Variants in RWDD2B observed in about 807,000 individuals in gnomAD.
The protein encoded by RWDD2B is RWD domain containing 2B.
A neutral mutation model predicts 33.6 loss-of-function variants in RWDD2B; 36 were observed. The ratio of observed to expected loss-of-function variants is 1.07; its 90% CI spans 0.82 to 1.42. The LOEUF (loss-of-function observed/expected upper bound fraction) is 1.42. Ranked by LOEUF, RWDD2B falls within the 40% of genes most tolerant of loss-of-function variation. The pLI is 0.00. For synonymous variants in RWDD2B, 126 were observed against 133.1 expected, an observed-to-expected ratio of 0.95 and a Z score of 0.37; for missense variants, 364 against 377.5, an observed-to-expected ratio of 0.96 and a Z score of 0.30.
At chr21:29,017,520 G>A (rs936193213) in intron 1 of RWDD2B, among the ~76,000 whole-genome samples, 3 of 152,072 alleles carry the variant, frequency 2.0e-5, no homozygotes, top group Non-Finnish European at 4.4e-5. Flanking sequence ...GCTGAGGCAG[G>A]AGAATCGCTT....
rs1416734709 is a variant in RWDD2B, at chr21:29,006,628, C to A, written c.749G>T (p.Arg250Ile). 3.1e-6 allele frequency: 5 copies of A among 1,605,640 alleles called. No individual in the cohort carries two copies. The highest frequency in any genetic ancestry group is 3.4e-5 in the Admixed American group (2 of 58,628). The change falls in exon 5 of 5, where the codon AGA (arginine) becomes ATA (isoleucine). Residue 250 changes from arginine to isoleucine, a missense_variant. Transcript: ENST00000493196. ...WSRLRKLNWK[R>I]ILIRHREDIP... Reference sequence around the variant, plus strand: ...GTCTTCTCGATGGCGAATTAAAATTCTCTTCCAGTTTAATTTTCTGAGTCT... The same window carrying A: ...GTCTTCTCGATGGCGAATTAAAATTATCTTCCAGTTTAATTTTCTGAGTCT...
intron 1 of RWDD2B, among the ~76,000 whole-genome samples, chr21:29,017,229 G>T (rs2084894867): frequency 6.6e-6 from 1 of 152,004 alleles, no homozygotes; most frequent in African/African-American, 2.4e-5. Flanking sequence ...AAGCACTTAC[G>T]TTCAAGCACT....
chr21:29,017,669 A>G (rs1329288078), intron 1 of RWDD2B, among the ~76,000 whole-genome samples: 3 of 152,174 alleles, frequency 2.0e-5, no homozygotes, highest in Admixed American at 2.0e-4. Context: ...GAAACCTGAA[A>G]AAGAAAACAA....
chr21:29,007,930 T>C lies in RWDD2B; in HGVS notation c.556A>G (p.Ile186Val), dbSNP rs1315726016. Residue 186 changes from isoleucine to valine, a missense_variant, in exon 4 of 5, where the codon ATC becomes GTC. Physicochemically the swap from Ile to Val is conservative, Grantham distance 29. Coordinates refer to ENST00000493196, the MANE Select transcript of RWDD2B (RefSeq NM_016940.3). The stretch of plus-strand genomic sequence containing the variant: ...CTGTAGATCCAGAGTCTCGTGAAGA[T>C]GAGGTCAACTGACTGGACTGTGCTT... Reference protein sequence around the residue: ...TGSTVQSVDLIFTRLWIYSHH... With the variant: ...TGSTVQSVDLVFTRLWIYSHH... The C allele has an allele frequency of 6.2e-7, 1 of 1,614,222 alleles. No individual in the cohort carries two copies. Among genetic ancestry groups the C allele is most frequent in the Non-Finnish European group, 8.5e-7 (1 of 1,180,028 alleles).
Position 29,016,409 on chromosome 21 carries a change from C to A in RWDD2B, c.67+2802G>T, listed in dbSNP as rs986479408. Among the ~76,000 whole-genome samples, 83 of 152,244 alleles carry A rather than the reference C, an allele frequency of 5.5e-4. 1 individual carries two copies. Among genetic ancestry groups the A allele is most frequent in the African/African-American group, 1.9e-3 (78 of 41,550 alleles). ...CCTCCCAAGTAGCTAGGATTACAGG[C>A]ATGCGCCACCACACCCAGCTAATTT... On this transcript the variant is annotated intron_variant, in intron 1 of 4. Transcript: ENST00000493196.
At chr21:29,017,165 C>T (rs892011506) in intron 1 of RWDD2B, among the ~76,000 whole-genome samples, 1 of 151,928 alleles carries the variant, frequency 6.6e-6, no homozygotes, top group Non-Finnish European at 1.5e-5. Context: ...GCCACCGTGT[C>T]CGGCTGCTTA....
chr21:29,018,520 G>A (rs1197282583), intron 1 of RWDD2B, among the ~76,000 whole-genome samples: 2 of 152,206 alleles, frequency 1.3e-5, no homozygotes, highest in Non-Finnish European at 2.9e-5. Flanking sequence ...TGGAGGTATC[G>A]AAGATGAAAT....
intron 4 of RWDD2B, among the ~76,000 whole-genome samples, chr21:29,007,094 G>C (rs2084832327): frequency 6.6e-6 from 1 of 152,204 alleles, no homozygotes; most frequent in Non-Finnish European, 1.5e-5. Flanking sequence ...TAGTATATCA[G>C]TAGAGAAATG....
chr21:29,006,425 C>T lies in RWDD2B; in HGVS notation c.952G>A (p.Gly318Arg). ...DVFQMFFGVE[G>R]Q ...TTCAACTACTCTTGATGTCATTGTCCTTCTACACCAAAGAACATCTGGAAA... is the reference window on the plus strand; with the variant it reads ...TTCAACTACTCTTGATGTCATTGTCTTTCTACACCAAAGAACATCTGGAAA... The change falls in exon 5 of 5, where the codon GGA (glycine) becomes AGA (arginine). Residue 318 changes from glycine to arginine, a missense_variant. Coordinates refer to ENST00000493196, the MANE Select transcript of RWDD2B (RefSeq NM_016940.3). 1 of 1,605,468 alleles carries T rather than the reference C, an allele frequency of 6.2e-7. No individual in the cohort carries two copies. The highest frequency in any genetic ancestry group is 1.1e-5 in the South Asian group (1 of 89,636).
rs181648005 is a variant in RWDD2B, at chr21:29,017,912, T to C, written c.67+1299A>G. On this transcript the variant is annotated intron_variant, in intron 1 of 4. Coordinates refer to ENST00000493196, the MANE Select transcript of RWDD2B (RefSeq NM_016940.3). The stretch of plus-strand genomic sequence containing the variant: ...CACAGTGAGCTGAGGACACGGGGAA[T>C]AGAAGAGTTTAGTAAGGAAATGTGG... Among the ~76,000 whole-genome samples, 9 of 152,242 alleles carry C rather than the reference T, an allele frequency of 5.9e-5. No individual in the cohort carries two copies. The East Asian group carries it at 1.4e-3, about 23-fold the overall frequency.
intron 1 of RWDD2B, among the ~76,000 whole-genome samples, chr21:29,014,143 G>A (rs888915719): frequency 2.0e-5 from 3 of 152,164 alleles, no homozygotes; most frequent in Non-Finnish European, 4.4e-5. Context: ...ATTTTGCAAG[G>A]GCATTCTTAC....
chr21:29,009,833 A>G (rs1252921794), intron 1 of RWDD2B: 1 of 152,228 alleles, frequency 6.6e-6, no homozygotes, highest in African/African-American at 2.4e-5. Flanking sequence ...GGTATAATGT[A>G]TAAATATGTA....
At chr21:29,017,704 A>AGG (rs1244356940) in intron 1 of RWDD2B, among the ~76,000 whole-genome samples, 1 of 152,232 alleles carries the variant, frequency 6.6e-6, no homozygotes, top group Admixed American at 6.5e-5. Flanking sequence ...ATGAGGCAGC[A>AGG]GGGGTGAGAC....
chr21:29,012,482 T>A (rs964145818), intron 1 of RWDD2B, among the ~76,000 whole-genome samples: 2 of 151,968 alleles, frequency 1.3e-5, no homozygotes, highest in Non-Finnish European at 2.9e-5. Flanking sequence ...CCCCCAACCC[T>A]GTGCTCTCTG....
At chr21:29,018,274 A>G (rs750004658) in intron 1 of RWDD2B, among the ~76,000 whole-genome samples, 32 of 152,200 alleles carry the variant, frequency 2.1e-4, no homozygotes, top group Non-Finnish European at 3.7e-4. Flanking sequence ...TCTGCCATTT[A>G]TTTAGACGTT....
At chr21:29,011,437 G>A (rs1483931247) in intron 1 of RWDD2B, among the ~76,000 whole-genome samples, 6 of 144,654 alleles carry the variant, frequency 4.1e-5, no homozygotes, top group Admixed American at 2.1e-4. Context: ...CCCGGCAGCC[G>A]CTGGGTCTGA....
At chr21:29,010,817 G>A (rs1017247304) in intron 1 of RWDD2B, among the ~76,000 whole-genome samples, 7 of 149,906 alleles carry the variant, frequency 4.7e-5, no homozygotes, top group Non-Finnish European at 1.0e-4. Context: ...GCAGGCGCGC[G>A]CCGCCACCCC....
rs748551465 is a variant in RWDD2B, at chr21:29,006,410, CTT to C, written c.*5_*6del. The C allele has an allele frequency of 4.5e-6, 7 of 1,568,724 alleles. No homozygotes were observed. The highest frequency in any genetic ancestry group is 1.8e-5 in the Admixed American group (1 of 55,042). On this transcript the variant is annotated 3_prime_UTR_variant, in exon 5 of 5. Transcript: ENST00000493196. ...CAGTGGCAAGATACTTTCAACTACT[CTT>C]GATGTCATTGTCCTTCTACACCAAA... is the stretch of plus-strand genomic sequence containing the variant.
chr21:29,019,183 C>T (rs1219375937), intron 1 of RWDD2B, 28 bp downstream of exon 1: 5 of 1,570,826 alleles, frequency 3.2e-6, no homozygotes, highest in Non-Finnish European at 4.3e-6. Flanking sequence ...TGGCGGTCAC[C>T]ACTGGCGCTA....
Sources: allele counts gnomAD v4.1 joint callset (sites outside exome capture counted in the v4.1 genomes callset), GRCh38; gene constraint gnomAD v4.1.1; transcripts MANE v1.5; gene names NCBI Gene and HGNC (gene_info 2026-07-23, HGNC 2026-07-21).